Variants in GARIN1A observed in about 807,000 individuals in gnomAD.
GARIN1A encodes the protein golgi associated RAB2 interactor 1A, also known as Golgi-associated RAB2 interactor protein 1A.
chr7:128,699,494 G>C, the GARIN1A span, among the ~76,000 whole-genome samples: 1 of 152,106 alleles, frequency 6.6e-6, no homozygotes, highest in Non-Finnish European at 1.5e-5. Context: ...TAATCACTTT[G>C]ATGTCTGAAT....
At chr7:128,673,566 A>G in the GARIN1A span, among the ~76,000 whole-genome samples, 1 of 152,168 alleles carries the variant, frequency 6.6e-6, no homozygotes. Flanking sequence ...GACCCATTCA[A>G]ATGGAATGGG....
chr7:128,686,875 C>CA, the GARIN1A span: 508 of 121,732 alleles, frequency 4.2e-3, 1 homozygote, highest in Middle Eastern at 0.021. Context: ...GATTCCATCT[C>CA]AAAAAAAAAA....
chr7:128,681,883 C>CG, the GARIN1A span, among the ~76,000 whole-genome samples: 2 of 99,892 alleles, frequency 2.0e-5, no homozygotes, highest in Non-Finnish European at 4.1e-5. Flanking sequence ...CACACTGCAC[C>CG]CCCCCCCACA....
the GARIN1A span, among the ~76,000 whole-genome samples, chr7:128,694,253 C>T: frequency 7.6e-3 from 1,155 of 152,212 alleles, 12 homozygotes; most frequent in African/African-American, 0.026. Flanking sequence ...GAACTCTGGC[C>T]GAGCATGGTG....
chr7:128,707,466 A>C, the GARIN1A span, among the ~76,000 whole-genome samples: 4 of 151,812 alleles, frequency 2.6e-5, no homozygotes, highest in Non-Finnish European at 5.9e-5. Flanking sequence ...TATGAGTTTG[A>C]CTAATTTCTT....
chr7:128,702,324 A>G, the GARIN1A span, among the ~76,000 whole-genome samples: 1 of 152,244 alleles, frequency 6.6e-6, no homozygotes, highest in Non-Finnish European at 1.5e-5. Context: ...GCAATATATT[A>G]TAGGTTTGTA....
the GARIN1A span, among the ~76,000 whole-genome samples, chr7:128,706,712 C>T: frequency 3.3e-5 from 5 of 152,172 alleles, no homozygotes; most frequent in African/African-American, 4.8e-5. Flanking sequence ...CACCCGCCAC[C>T]GCCCCTACTG....
the GARIN1A span, among the ~76,000 whole-genome samples, chr7:128,696,788 G>A: frequency 2.0e-5 from 3 of 152,178 alleles, no homozygotes; most frequent in African/African-American, 4.8e-5. Flanking sequence ...GGGCACTAAC[G>A]GCATTCTGGC....
the GARIN1A span, chr7:128,677,895 T>A: frequency 1.7e-6 from 2 of 1,186,276 alleles, no homozygotes; most frequent in South Asian, 1.7e-5. Flanking sequence ...ATATATAGAC[T>A]TGTTTCCATG....
At chr7:128,701,582 G>A in the GARIN1A span, among the ~76,000 whole-genome samples, 2 of 152,058 alleles carry the variant, frequency 1.3e-5, no homozygotes, top group Admixed American at 6.5e-5. Flanking sequence ...TTTAAAGAGC[G>A]AGAAGGTATG....
chr7:128,674,866 G>A, the GARIN1A span, among the ~76,000 whole-genome samples: 6 of 152,164 alleles, frequency 3.9e-5, no homozygotes, highest in Admixed American at 6.5e-5. Flanking sequence ...AGGCTGAGAA[G>A]GGAAGATCAC....
chr7:128,691,276 A>T, the GARIN1A span: 41,094 of 151,958 alleles, frequency 0.27, 5,928 homozygotes, highest in East Asian at 0.54. Flanking sequence ...CTCCAAGCTG[A>T]TCTACATCTA....
the GARIN1A span, among the ~76,000 whole-genome samples, chr7:128,699,271 C>CA: frequency 4.0e-4 from 58 of 143,850 alleles, 4 homozygotes; most frequent in African/African-American, 1.2e-3. Context: ...CCCCCCCCCC[C>CA]CCACCACCAA....
At chr7:128,691,197 G>A in the GARIN1A span, 1 of 152,212 alleles carries the variant, frequency 6.6e-6, no homozygotes, top group Admixed American at 6.6e-5. Flanking sequence ...GAAAAAAGGT[G>A]AAGATTAAAC....
At chr7:128,696,008 C>CTTTTTT in the GARIN1A span, among the ~76,000 whole-genome samples, 4 of 80,108 alleles carry the variant, frequency 5.0e-5, no homozygotes, top group South Asian at 5.5e-4. Context: ...TCCTAACTTC[C>CTTTTTT]TTTTTTTTTT....
chr7:128,682,574 G>GT, the GARIN1A span, among the ~76,000 whole-genome samples: 2 of 151,870 alleles, frequency 1.3e-5, no homozygotes, highest in African/African-American at 2.4e-5. Context: ...AAGTGAGTTG[G>GT]TTTTTTTTGT....
the GARIN1A span, among the ~76,000 whole-genome samples, chr7:128,695,403 C>T: frequency 1.3e-5 from 2 of 152,166 alleles, no homozygotes; most frequent in African/African-American, 2.4e-5. This position sits in a 1 kb window ranked among gnomAD's most constrained non-coding sequence, Gnocchi z 4.5. Flanking sequence ...ATTCAGTGCA[C>T]GTTAGAGGAA....
chr7:128,684,860 A>G, the GARIN1A span: 1 of 151,622 alleles, frequency 6.6e-6, no homozygotes, highest in Admixed American at 6.6e-5. Context: ...GCTTTGGCCA[A>G]CCTTTATACA....
the GARIN1A span, among the ~76,000 whole-genome samples, chr7:128,695,618 G>A: frequency 6.6e-6 from 1 of 152,046 alleles, no homozygotes; most frequent in East Asian, 1.9e-4. This position sits in a 1 kb window ranked among gnomAD's most constrained non-coding sequence, Gnocchi z 4.5. Context: ...TCGCCTCACT[G>A]CAGCCTCGTC....
Sources: allele counts gnomAD v4.1 joint callset (sites outside exome capture counted in the v4.1 genomes callset), GRCh38; gene constraint gnomAD v4.1.1; non-coding constraint Gnocchi (gnomAD v3.1); transcripts MANE v1.5; gene names NCBI Gene and HGNC (gene_info 2026-07-23, HGNC 2026-07-21).